The following GMIP variants were observed in gnomAD, a reference collection of about 807,000 sequenced individuals.
GMIP encodes GEM-interacting protein.
A neutral mutation model predicts 105.3 loss-of-function variants in GMIP; 54 were observed. The observed-to-expected ratio is 0.51, with a 90% CI of 0.41 to 0.64. The LOEUF (loss-of-function observed/expected upper bound fraction) is 0.64, where lower values mean the gene tolerates loss of function less well. GMIP is among the 30% of genes least tolerant of loss of function. GMIP has a pLI of 0.00. For missense variants in GMIP, 1,110 were observed against 1,319.4 expected (o/e 0.84, Z 2.46); for synonymous variants, 541 against 560.8 (o/e 0.96, Z 0.50).
rs1599397428 is a variant in GMIP at position 19,629,757 on chromosome 19, G to C, written c.*206C>G. The C allele has an allele frequency of 8.5e-6, 5 of 589,466 alleles. No individual in the cohort carries two copies. Among genetic ancestry groups the C allele is most frequent in the East Asian group, 5.8e-5 (2 of 34,306 alleles). The allele number at this position is 589,466 out of a possible 1,614,324, so 36.5% of individuals were successfully genotyped here. A position where few individuals can be genotyped will look rare whatever the true frequency, so the allele number is the denominator to read the frequency against. On this transcript the variant is annotated 3_prime_UTR_variant, in exon 21 of 21. Transcript: ENST00000203556. ...TGCTTGGCAGTGACCTGTGTCTAGT[G>C]GGGGGACTCTGGGACATTATCCCCA...
chr19:19,630,540 G>T lies in GMIP; in HGVS notation c.2473-3C>A. 6.2e-7 allele frequency: 1 copy of T among 1,612,952 alleles called. No individual in the cohort carries two copies. The highest frequency in any genetic ancestry group is 8.5e-7 in the Non-Finnish European group (1 of 1,178,958). ...TGGTCACTCTGTGGAGTTGGAATCT[G>T]CAGGGAGAAACCCAAGAATGAGACC... On this transcript the variant is annotated splice_region_variant and splice_polypyrimidine_tract_variant and intron_variant, in intron 19 of 20. Coordinates refer to ENST00000203556, the MANE Select transcript of GMIP (RefSeq NM_016573.4). This position sits in a 1 kb window ranked among gnomAD's most constrained non-coding sequence, Gnocchi z 4.8.
At position 19,630,740 on chromosome 19, in the gene GMIP, G is replaced by T. The variant is rs1218837284; in HGVS notation, c.2473-203C>A. 6.6e-6 allele frequency among the ~76,000 whole-genome samples: 1 copy of T among 152,204 alleles called. No individual in the cohort carries two copies. The highest frequency in any genetic ancestry group is 1.5e-5 in the Non-Finnish European group (1 of 68,042). On this transcript the variant is annotated intron_variant, in intron 19 of 20. Transcript: ENST00000203556. This position sits in a 1 kb window ranked among gnomAD's most constrained non-coding sequence, Gnocchi z 4.8. ...AGGTGGTAGGAAGTGAGACCAAAGA[G>T]GAGTGGGCCCAGGTGGCTCTGCCAG...
intron 3 of GMIP, 28 bp from the exon 4 acceptor site, chr19:19,641,895 AG>A: frequency 1.2e-6 from 2 of 1,612,320 alleles, no homozygotes; most frequent in Middle Eastern, 3.3e-4. Context: ...AGTATTCAGA[AG>A]CAAACAGGGC....
chr19:19,634,020 T>G lies in GMIP; in HGVS notation c.2255A>C (p.His752Pro). ...ATCCATCCCAAAGATCTGCTCGTAGTGCACGATGAGGAACTCCACAAGCTG... is the reference window on the plus strand; with the variant it reads ...ATCCATCCCAAAGATCTGCTCGTAGGGCACGATGAGGAACTCCACAAGCTG... ...QAQLVEFLIVHYEQIFGMDEL... is the reference protein window; with the variant it reads ...QAQLVEFLIVPYEQIFGMDEL... The change falls in exon 19 of 21, where the codon CAC becomes CCC. Residue 752 changes from histidine (H) to proline (P), a missense_variant. By Grantham distance (77) the His-to-Pro change is moderately conservative (BLOSUM62 -2). Transcript: ENST00000203556. The surrounding 1 kb of genome is among the most constrained non-coding windows in gnomAD (Gnocchi z 6.1). 6.2e-7 allele frequency: 1 copy of G among 1,613,010 alleles called. No individual in the cohort carries two copies. Among genetic ancestry groups the G allele is most frequent in the Non-Finnish European group, 8.5e-7 (1 of 1,179,382 alleles).
rs1018923515 is a variant in GMIP at position 19,637,530 on chromosome 19, G to A, written c.959C>T (p.Ala320Val). 3.7e-5 allele frequency: 57 copies of A among 1,532,830 alleles called. No individual in the cohort carries two copies. The highest frequency in any genetic ancestry group is 4.5e-5 in the Non-Finnish European group (51 of 1,142,796). The allele number at this position is 1,532,830 out of a possible 1,614,324, so 95.0% of individuals were successfully genotyped here. A position where few individuals can be genotyped will look rare whatever the true frequency, so the allele number is the denominator to read the frequency against. The change falls in exon 11 of 21, where the codon GCG (alanine) becomes GTG (valine). Residue 320 changes from alanine (A) to valine (V), a missense_variant. By Grantham distance (64) the Ala-to-Val change is moderately conservative. Transcript: ENST00000203556. This position sits in a 1 kb window ranked among gnomAD's most constrained non-coding sequence, Gnocchi z 6.7. ...VTLSLFGLRG[A>V]QAERGPRAFA... ...GGCGCGGGGGCCACGCTCTGCCTGC[G>A]CCCCCCGCAGCCCGAAGAGACTCAG...
In GMIP at chr19:19,638,070, G is replaced by A; in HGVS notation, c.790-13C>T. The A allele has an allele frequency of 6.4e-7, 1 of 1,554,592 alleles. No homozygotes were observed. Among genetic ancestry groups the A allele is most frequent in the Non-Finnish European group, 8.7e-7 (1 of 1,152,458 alleles). On this transcript the variant is annotated splice_polypyrimidine_tract_variant and intron_variant, in intron 9 of 20. Transcript: ENST00000203556. ...CGGCCTCCTGCGCCTGGGGAAACGGGAGGCCAGGAGCGGGGTGGGGCGCGT... is the reference window on the plus strand; with the variant it reads ...CGGCCTCCTGCGCCTGGGGAAACGGAAGGCCAGGAGCGGGGTGGGGCGCGT...
rs765881614 is a variant in GMIP at position 19,637,003 on chromosome 19, A to G, written c.1151T>C (p.Leu384Pro). ...NSSPLDIRKK[L>P]SGPLPPRLDE... ...CAGCCTTGGAGGAAGAGGCCCAGAG[A>G]GCTTCTTTCTGATGTCCAGAGGGGA... The change falls in exon 12 of 21, where the codon CTC becomes CCC. Residue 384 changes from leucine to proline, a missense_variant. Physicochemically the swap from Leu to Pro is moderately conservative, Grantham distance 98 (BLOSUM62 -3). This residue lies in a region of GMIP where 667 missense variants were observed against 773.2 expected (regional missense o/e 0.86). Coordinates refer to ENST00000203556, the MANE Select transcript of GMIP (RefSeq NM_016573.4). This position sits in a 1 kb window ranked among gnomAD's most constrained non-coding sequence, Gnocchi z 6.7. The G allele has an allele frequency of 6.3e-7, 1 of 1,575,764 alleles. No homozygotes were observed. The highest frequency in any genetic ancestry group is 1.2e-5 in the South Asian group (1 of 86,250).
chr19:19,642,026 G>A lies in GMIP; in HGVS notation c.130C>T (p.Pro44Ser), dbSNP rs754106528. The A allele has an allele frequency of 6.2e-7, 1 of 1,613,536 alleles. No homozygotes were observed. Among genetic ancestry groups the A allele is most frequent in the Non-Finnish European group, 8.5e-7 (1 of 1,179,546 alleles). ...GGTTCTGGGTCTTCTGAGAGTAGAG[G>A]GTCTCCAGCCAGCATCTCAAGGGTC... is the stretch of plus-strand genomic sequence containing the variant. ...NVTLEMLAGD[P>S]LLSEDPEPDK... The change falls in exon 3 of 21, where the codon CCT becomes TCT. Residue 44 changes from proline to serine, a missense_variant. Transcript: ENST00000203556.
chr19:19,629,670 T>C lies in GMIP; in HGVS notation c.*293A>G. 1 of 390,772 alleles carries C rather than the reference T, an allele frequency of 2.6e-6. No individual in the cohort carries two copies. Among genetic ancestry groups the C allele is most frequent in the East Asian group, 4.6e-5 (1 of 21,624 alleles). The allele number at this position is 390,772 out of a possible 1,614,324, so 24.2% of individuals were successfully genotyped here. The stretch of plus-strand genomic sequence containing the variant: ...GAGACTAGGGTGGACCCCAAGGATC[T>C]CATAACCTGCACTGACCCTGAGTAT... On this transcript the variant is annotated 3_prime_UTR_variant, in exon 21 of 21. Coordinates refer to ENST00000203556, the MANE Select transcript of GMIP (RefSeq NM_016573.4).
Position 19,643,291 on chromosome 19 carries a change from A to G in GMIP, c.19+220T>C, listed in dbSNP as rs1025614273. ...TTCCCCTTCCTGGGCCCCCTCCCCC[A>G]GGCGTCTGGGGTGAGGGATCAAAAG... is the stretch of plus-strand genomic sequence containing the variant. On this transcript the variant is annotated intron_variant, in intron 1 of 20. Transcript: ENST00000203556. 3.4e-5 allele frequency: 16 copies of G among 467,532 alleles called. 1 individual carries two copies. The Admixed American group carries it at 4.3e-4, about 13-fold the overall frequency. The allele number at this position is 467,532 out of a possible 1,614,324, so 29.0% of individuals were successfully genotyped here.
chr19:19,637,680 C>T lies in GMIP; in HGVS notation c.928-119G>A. On this transcript the variant is annotated intron_variant, in intron 10 of 20. Transcript: ENST00000203556. The surrounding 1 kb of genome is among the most constrained non-coding windows in gnomAD (Gnocchi z 6.7). ...GGTCAGGGTTTGGGACGCACCTGGG[C>T]GGCTTAGGAACTAGGGCAGTCGGCC... The T allele has an allele frequency of 5.4e-6, 5 of 926,732 alleles. No homozygotes were observed. The highest frequency in any genetic ancestry group is 5.3e-5 in the South Asian group (3 of 56,586). 57.4% of individuals were successfully genotyped at this position (926,732 alleles called of 1,614,324 possible).
At position 19,635,929 on chromosome 19, in the gene GMIP, C is replaced by T. The variant is rs952526599; in HGVS notation, c.1328-208G>A. Among the ~76,000 whole-genome samples the T allele has an allele frequency of 2.6e-5, 4 of 152,128 alleles. No homozygotes were observed. The highest frequency in any genetic ancestry group is 4.4e-5 in the Non-Finnish European group (3 of 68,028). ...CAAGAGGTTGAGGAAATAGGCCGGG[C>T]GCAGTGGCTCACACCTGTAATCCCA... On this transcript the variant is annotated intron_variant, in intron 13 of 20. Coordinates refer to ENST00000203556, the MANE Select transcript of GMIP (RefSeq NM_016573.4). This position sits in a 1 kb window ranked among gnomAD's most constrained non-coding sequence, Gnocchi z 4.7.
Position 19,637,961 on chromosome 19 carries a change from C to T in GMIP, c.886G>A (p.Val296Met), listed in dbSNP as rs778295475. The T allele has an allele frequency of 3.7e-6, 6 of 1,610,626 alleles. No individual in the cohort carries two copies. The highest frequency in any genetic ancestry group is 3.3e-5 in the South Asian group (3 of 90,808). The change falls in exon 10 of 21, where the codon GTG becomes ATG. Residue 296 changes from valine (V) to methionine (M), a missense_variant. Val to Met is a conservative substitution (Grantham distance 21). Around this residue, in one of 3 missense-constraint regions of GMIP, gnomAD observed 667 missense variants for 773.2 expected, o/e 0.86. Coordinates refer to ENST00000203556, the MANE Select transcript of GMIP (RefSeq NM_016573.4). The surrounding 1 kb of genome is among the most constrained non-coding windows in gnomAD (Gnocchi z 6.7). ...EIAKQRIVSH[V>M]RKLVFQGDEV... is the part of the protein sequence containing the mutation. ...TCCCCCTGAAACACCAGCTTGCGCACGTGCGACACGATTCGCTGCTTGGCG... is the reference window on the plus strand; with the variant it reads ...TCCCCCTGAAACACCAGCTTGCGCATGTGCGACACGATTCGCTGCTTGGCG...
At position 19,634,332 on chromosome 19, in the gene GMIP, C is replaced by A. The variant is rs2061827869; in HGVS notation, c.2085-142G>T. 1 of 1,036,270 alleles carries A rather than the reference C, an allele frequency of 9.6e-7. No individual in the cohort carries two copies. The highest frequency in any genetic ancestry group is 1.4e-6 in the Non-Finnish European group (1 of 718,672). The allele number at this position is 1,036,270 out of a possible 1,614,324, so 64.2% of individuals were successfully genotyped here. ...TCGTCTGAGACCAGCAGCCACATAT[C>A]CAGAACTGGAGGTCAGGGGTCAGTA... On this transcript the variant is annotated intron_variant, in intron 18 of 20. Transcript: ENST00000203556. This position sits in a 1 kb window ranked among gnomAD's most constrained non-coding sequence, Gnocchi z 6.1.
rs1369380245 is a variant in GMIP at position 19,635,846 on chromosome 19, T to C, written c.1328-125A>G. 3.9e-6 allele frequency: 3 copies of C among 769,796 alleles called. No homozygotes were observed. Among genetic ancestry groups the C allele is most frequent in the Admixed American group, 4.1e-5 (2 of 48,626 alleles). The allele number at this position is 769,796 out of a possible 1,614,324, so 47.7% of individuals were successfully genotyped here. The stretch of plus-strand genomic sequence containing the variant: ...TCAGGAGGGGGATTGGACAGGTCAG[T>C]GGTTAAGGGTTGGAGAATTGGGTCA... On this transcript the variant is annotated intron_variant, in intron 13 of 20. Transcript: ENST00000203556. The surrounding 1 kb of genome is among the most constrained non-coding windows in gnomAD (Gnocchi z 4.7).
chr19:19,642,554 C>A lies in GMIP; in HGVS notation c.85G>T (p.Glu29Ter). ...SDIFRSLDNL[E>*]ISLGNVTLEM... Reference sequence around the variant, plus strand: ...ACTCACACGTTCCCCAGTGAGATTTCGAGGTTGTCCAGGCTCCGGAAGATG... The same window carrying A: ...ACTCACACGTTCCCCAGTGAGATTTAGAGGTTGTCCAGGCTCCGGAAGATG... The change falls in exon 2 of 21, where the codon GAA becomes TAA. Residue 29 changes from glutamate to a stop codon, truncating the protein, a stop_gained. Coordinates refer to ENST00000203556, the MANE Select transcript of GMIP (RefSeq NM_016573.4). LOFTEE classifies it high-confidence loss of function. 2 of 1,609,582 alleles carry A rather than the reference C, an allele frequency of 1.2e-6. No individual in the cohort carries two copies. The highest frequency in any genetic ancestry group is 1.1e-5 in the South Asian group (1 of 90,870).
rs1028256862 is a variant in GMIP at position 19,642,005 on chromosome 19, C to T, written c.151G>A (p.Glu51Lys). The T allele has an allele frequency of 2.5e-6, 4 of 1,613,880 alleles. No individual in the cohort carries two copies. The Admixed American group carries it at 6.7e-5, about 27-fold the overall frequency. Residue 51 changes from glutamate (E) to lysine (K), a missense_variant, in exon 3 of 21, where the codon GAA becomes AAA. Glu to Lys is a moderately conservative substitution (Grantham distance 56). This residue lies in a region of GMIP where 667 missense variants were observed against 773.2 expected (regional missense o/e 0.86). Coordinates refer to ENST00000203556, the MANE Select transcript of GMIP (RefSeq NM_016573.4). ...GTGGCTGTAGGGGTCTTGTCAGGTT[C>T]TGGGTCTTCTGAGAGTAGAGGGTCT... ...AGDPLLSEDP[E>K]PDKTPTATVT...
chr19:19,637,459 G>T lies in GMIP; in HGVS notation c.1030C>A (p.Arg344Ser). 1 of 1,530,220 alleles carries T rather than the reference G, an allele frequency of 6.5e-7. No individual in the cohort carries two copies. The highest frequency in any genetic ancestry group is 8.8e-7 in the Non-Finnish European group (1 of 1,140,474). The allele number at this position is 1,530,220 out of a possible 1,614,324, so 94.8% of individuals were successfully genotyped here. A position where few individuals can be genotyped will look rare whatever the true frequency, so the allele number is the denominator to read the frequency against. The change falls in exon 11 of 21, where the codon CGC becomes AGC. Residue 344 changes from arginine to serine, a missense_variant. Physicochemically the swap from Arg to Ser is moderately radical, Grantham distance 110. Coordinates refer to ENST00000203556, the MANE Select transcript of GMIP (RefSeq NM_016573.4). This position sits in a 1 kb window ranked among gnomAD's most constrained non-coding sequence, Gnocchi z 6.7. Reference sequence around the variant, plus strand: ...AGCGCCCGTACAAACTCCTGGTAGCGCTGGCCCGGCTCAAAGGGCGCACAG... The same window carrying T: ...AGCGCCCGTACAAACTCCTGGTAGCTCTGGCCCGGCTCAAAGGGCGCACAG... ...ECCAPFEPGQ[R>S]YQEFVRALRP...
rs1237997933 is a variant in GMIP at position 19,629,778 on chromosome 19, C to A, written c.*185G>T. ...TAGTGGGGGGACTCTGGGACATTAT[C>A]CCCAAAAGGGTTTTAGGCCTCCCCT... On this transcript the variant is annotated 3_prime_UTR_variant, in exon 21 of 21. Coordinates refer to ENST00000203556, the MANE Select transcript of GMIP (RefSeq NM_016573.4). 2 of 617,514 alleles carry A rather than the reference C, an allele frequency of 3.2e-6. No homozygotes were observed. Among genetic ancestry groups the A allele is most frequent in the Non-Finnish European group, 5.6e-6 (2 of 358,334 alleles). 38.3% of individuals were successfully genotyped at this position (617,514 alleles called of 1,614,324 possible).
Sources: gnomAD v4.1 joint callset for allele counts (sites outside exome capture counted in the v4.1 genomes callset) on GRCh38, gnomAD v4.1.1 for gene constraint, gnomAD v4.1.1 regional missense constraint, Gnocchi (gnomAD v3.1) non-coding constraint, MANE v1.5 for transcripts, NCBI Gene and HGNC (gene_info 2026-07-23, HGNC 2026-07-21) for gene names.